Variants in PPP1R3F observed in about 807,000 individuals in gnomAD.
PPP1R3F encodes protein phosphatase 1 regulatory subunit 3F.
Under a neutral mutation model 24.2 loss-of-function variants are expected in PPP1R3F, and 29 were observed. The ratio of observed to expected loss-of-function variants is 1.20; its 90% CI spans 0.89 to 1.63. PPP1R3F has a LOEUF of 1.63. PPP1R3F is among the 40% of genes most tolerant of loss of function. The probability of loss-of-function intolerance (pLI) is 0.00; values close to 1 mark genes in which losing one functional copy is unlikely to be tolerated. For missense variants in PPP1R3F, 823 were observed against 729.3 expected (o/e 1.13, Z -1.48); for synonymous variants, 363 against 340.1 (o/e 1.07, Z -0.74).
At chrX:49,280,259 G>GTTTTGTTTT (rs1432819337) in intron 1 of PPP1R3F, among the ~76,000 whole-genome samples, 1 of 111,207 alleles carries the variant, frequency 9.0e-6, no homozygotes, top group Non-Finnish European at 1.9e-5. Flanking sequence ...GTTTTGTTTT[G>GTTTTGTTTT]TTTTTGTGAG....
intron 1 of PPP1R3F, chrX:49,273,679 A>G (rs782680145): frequency 4.4e-5 from 5 of 112,407 alleles, no homozygotes; most frequent in Non-Finnish European, 9.4e-5. Flanking sequence ...TTTGTGACCT[A>G]GCCCTCTTGG....
chrX:49,292,537 GA>G (rs1387790009), downstream of PPP1R3F, among the ~76,000 whole-genome samples: 2 of 112,402 alleles, frequency 1.8e-5, no homozygotes, highest in African/African-American at 6.5e-5. Flanking sequence ...TGGGGCTCAG[GA>G]AAAGGCCACC....
chrX:49,294,830 A>G (rs147698521), intron 3 of PPP1R3F, among the ~76,000 whole-genome samples: 1,822 of 106,606 alleles, frequency 0.017, 39 homozygotes, highest in African/African-American at 0.06. Flanking sequence ...AATGGTGTGA[A>G]CTCGGGAGGT....
In PPP1R3F at chrX:49,269,938, G is replaced by A. The variant is rs2066160185; in HGVS notation, c.69G>A (p.Glu23=). 15 of 905,710 alleles carry A rather than the reference G, an allele frequency of 1.7e-5. No homozygotes were observed. Among genetic ancestry groups the A allele is most frequent in the Non-Finnish European group, 2.0e-5 (15 of 735,532 alleles). 74.6% of individuals were successfully genotyped at this position (905,710 alleles called of 1,213,427 possible). A position where few individuals can be genotyped will look rare whatever the true frequency, so the allele number is the denominator to read the frequency against. The change falls in exon 1 of 4, where the codon GAG becomes GAA. Residue 23 remains glutamate, a synonymous_variant. Transcript: ENST00000055335. ...HSAPPSPAAG[E]PRTSVEAAVA... ...CGCCCCCCTCGCCGGCCGCGGGTGA[G>A]CCCCGCACCTCGGTCGAGGCGGCGG...
rs1487260020 is a variant in PPP1R3F, at chrX:49,299,297, T to C, written c.393-2054T>C. On this transcript the variant is annotated intron_variant, in intron 3 of 3. Coordinates refer to the PPP1R3F transcript ENST00000471261. ...GCAGGTCTGCTGGAGTTTGTTGGAGTTCCACTCCAGACCCTGTTTGCCTGG... is the reference window on the plus strand; with the variant it reads ...GCAGGTCTGCTGGAGTTTGTTGGAGCTCCACTCCAGACCCTGTTTGCCTGG... Among the ~76,000 whole-genome samples, 3 of 111,867 alleles carry C rather than the reference T, an allele frequency of 2.7e-5. No individual in the cohort carries two copies. The East Asian group carries it at 8.5e-4, about 32-fold the overall frequency.
chrX:49,294,094 A>T (rs2066316265), intron 3 of PPP1R3F, among the ~76,000 whole-genome samples: 1 of 111,666 alleles, frequency 9.0e-6, no homozygotes, highest in African/African-American at 3.3e-5. Flanking sequence ...AAATTGTCAC[A>T]GTAGAATTTA....
intron 1 of PPP1R3F, among the ~76,000 whole-genome samples, chrX:49,275,972 G>A (rs2066210259): frequency 8.9e-6 from 1 of 112,310 alleles, no homozygotes; most frequent in South Asian, 3.6e-4. Flanking sequence ...CAGAATAACT[G>A]GAGTTGAACG....
In PPP1R3F at chrX:49,269,834, G is replaced by A; in HGVS notation, c.-36G>A. On this transcript the variant is annotated 5_prime_UTR_variant, in exon 1 of 4. Transcript: ENST00000055335. ...TTCAGGCCCTGCCCCCGCCGGTCCC[G>A]CCGCCGGTGCCGTCGGTGCCGCCGC... The A allele has an allele frequency of 2.3e-6, 2 of 861,521 alleles. No homozygotes were observed. The highest frequency in any genetic ancestry group is 1.4e-6 in the Non-Finnish European group (1 of 702,285). 71.0% of individuals were successfully genotyped at this position (861,521 alleles called of 1,213,427 possible).
chrX:49,270,468 C>G lies in PPP1R3F; in HGVS notation c.599C>G (p.Pro200Arg). Residue 200 changes from proline (P) to arginine (R), a missense_variant, in exon 1 of 4, where the codon CCG (proline) becomes CGG (arginine). Transcript: ENST00000055335. ...SFCDHPARYV[P>R]RSPPWAGAGG... ...TGCGACCACCCAGCGCGCTACGTCC[C>G]GCGCAGCCCGCCGTGGGCAGGAGCG... is the stretch of plus-strand genomic sequence containing the variant. 1 of 1,201,177 alleles carries G rather than the reference C, an allele frequency of 8.3e-7. No individual in the cohort carries two copies. Among genetic ancestry groups the G allele is most frequent in the Non-Finnish European group, 1.1e-6 (1 of 894,020 alleles).
rs782237375 is a variant in PPP1R3F at position 49,286,995 on chromosome X, G to A, written c.2305G>A (p.Val769Ile). Reference sequence around the variant, plus strand: ...GGGGCCCTTGACCCAGACTCTGGGGGTCCTGGCCGGGCTAGTGGTGGTCCC... The same window carrying A: ...GGGGCCCTTGACCCAGACTCTGGGGATCCTGGCCGGGCTAGTGGTGGTCCC... ...LRGPLTQTLG[V>I]LAGLVVVPVA... The change falls in exon 4 of 4, where the codon GTC (valine) becomes ATC (isoleucine). Residue 769 changes from valine (V) to isoleucine (I), a missense_variant. Transcript: ENST00000055335. The A allele has an allele frequency of 1.7e-6, 2 of 1,211,936 alleles. No homozygotes were observed. The highest frequency in any genetic ancestry group is 2.2e-6 in the Non-Finnish European group (2 of 895,473).
intron 3 of PPP1R3F, among the ~76,000 whole-genome samples, chrX:49,295,692 A>G (rs2066321201): frequency 9.0e-6 from 1 of 110,717 alleles, no homozygotes; most frequent in Non-Finnish European, 1.9e-5. Context: ...ATTTTGTAGA[A>G]TTGGTATTAT....
chrX:49,271,564 T>TG (rs1351249489), intron 1 of PPP1R3F, among the ~76,000 whole-genome samples: 2 of 111,976 alleles, frequency 1.8e-5, no homozygotes, highest in Non-Finnish European at 3.8e-5. Context: ...GCTTTGCCAG[T>TG]GGGGGGTAGA....
chrX:49,275,976 T>G (rs782261676), intron 1 of PPP1R3F, among the ~76,000 whole-genome samples: 1 of 111,927 alleles, frequency 8.9e-6, no homozygotes, highest in South Asian at 3.7e-4. Context: ...ATAACTGGAG[T>G]TGAACGGGAC....
At position 49,286,204 on chromosome X, in the gene PPP1R3F, C is replaced by T. The variant is rs781840144; in HGVS notation, c.1514C>T (p.Ala505Val). 9 of 540,212 alleles carry T rather than the reference C, an allele frequency of 1.7e-5. No individual in the cohort carries two copies. The highest frequency in any genetic ancestry group is 1.6e-4 in the Admixed American group (6 of 36,721). The allele number at this position is 540,212 out of a possible 1,213,427, so 44.5% of individuals were successfully genotyped here. ...HLSRLRAAVA[A>V]GGAGGGGEGS... is the part of the protein sequence containing the mutation. ...AGCCGCCTACGGGCTGCTGTGGCTG[C>T]GGGTGGGGCAGGGGGTGGTGGGGAG... The change falls in exon 4 of 4, where the codon GCG becomes GTG. Residue 505 changes from alanine (A) to valine (V), a missense_variant. Transcript: ENST00000055335.
intron 3 of PPP1R3F, among the ~76,000 whole-genome samples, chrX:49,285,352 C>T (rs782088748): frequency 2.7e-5 from 3 of 110,893 alleles, no homozygotes; most frequent in Non-Finnish European, 5.7e-5. Flanking sequence ...CACAACACCA[C>T]GCCCAGCTAA....
rs905794612 is a variant in PPP1R3F, at chrX:49,282,054, G to A, written c.1134G>A (p.Met378Ile). 1.7e-6 allele frequency: 2 copies of A among 1,202,614 alleles called. No homozygotes were observed. Among genetic ancestry groups the A allele is most frequent in the Non-Finnish European group, 2.3e-6 (2 of 887,510 alleles). The change falls in exon 3 of 4, where the codon ATG (methionine) becomes ATA (isoleucine). Residue 378 changes from methionine to isoleucine, a missense_variant. By Grantham distance (10) the Met-to-Ile change is conservative. Coordinates refer to ENST00000055335, the MANE Select transcript of PPP1R3F (RefSeq NM_033215.5). ...APTPLRPWPQMTLQVSDVPMT... is the reference protein window; with the variant it reads ...APTPLRPWPQITLQVSDVPMT... ...CCCCTCTCCGTCCATGGCCCCAGAT[G>A]ACACTTCAGGTAAGTGGGTCCTTGC...
At position 49,270,653 on chromosome X, in the gene PPP1R3F, G is replaced by C. The variant is rs1239980572; in HGVS notation, c.784G>C (p.Val262Leu). 2 of 1,209,106 alleles carry C rather than the reference G, an allele frequency of 1.7e-6. No homozygotes were observed. The highest frequency in any genetic ancestry group is 2.2e-6 in the Non-Finnish European group (2 of 894,782). The change falls in exon 1 of 4, where the codon GTG becomes CTG. Residue 262 changes from valine to leucine, a missense_variant. Coordinates refer to ENST00000055335, the MANE Select transcript of PPP1R3F (RefSeq NM_033215.5). ...GGGCGATGGGGCGCGCCTCGACTTC[G>C]TGGTGCGCTATGAGACCCCTGAGGG... ...GAGDGARLDFVVRYETPEGTF... is the reference protein window; with the variant it reads ...GAGDGARLDFLVRYETPEGTF...
chrX:49,282,628 C>T (rs985727562), intron 3 of PPP1R3F, among the ~76,000 whole-genome samples: 21 of 108,206 alleles, frequency 1.9e-4, no homozygotes, highest in African/African-American at 5.1e-4. Flanking sequence ...ACATCCCAGG[C>T]GAGTGTGAAG....
In PPP1R3F at chrX:49,286,140, A is replaced by G. The variant is rs781932727; in HGVS notation, c.1450A>G (p.Ile484Val). The G allele has an allele frequency of 5.1e-6, 6 of 1,176,979 alleles. No individual in the cohort carries two copies. In the Admixed American group the frequency reaches 7.0e-5, roughly 14 times the overall value. Reference protein sequence around the residue: ...GSEELLGEDTIDQELEQLYLS... With the variant: ...GSEELLGEDTVDQELEQLYLS... ...AGAGGAGCTGCTCGGTGAGGACACCATCGACCAGGAGCTGGAGCAGCTCTA... is the reference window on the plus strand; with the variant it reads ...AGAGGAGCTGCTCGGTGAGGACACCGTCGACCAGGAGCTGGAGCAGCTCTA... The change falls in exon 4 of 4, where the codon ATC (isoleucine) becomes GTC (valine). Residue 484 changes from isoleucine (I) to valine (V), a missense_variant. Ile to Val is a conservative substitution (Grantham distance 29). Coordinates refer to ENST00000055335, the MANE Select transcript of PPP1R3F (RefSeq NM_033215.5).
Sources: gnomAD v4.1 joint callset for allele counts (sites outside exome capture counted in the v4.1 genomes callset) on GRCh38, gnomAD v4.1.1 for gene constraint, MANE v1.5 for transcripts, NCBI Gene and HGNC (gene_info 2026-07-23, HGNC 2026-07-21) for gene names.